Variants in CHSY3 observed in about 807,000 individuals in gnomAD.
CHSY3 encodes N-acetylgalactosaminyl-proteoglycan 3-beta-glucuronosyltransferase 3.
Under a neutral mutation model 67.2 loss-of-function variants are expected in CHSY3, and 35 were observed. That is an observed-to-expected ratio of 0.52 (90% CI 0.40 to 0.69). The LOEUF (loss-of-function observed/expected upper bound fraction) is 0.69. CHSY3 is among the 30% of genes least tolerant of loss of function. CHSY3 has a pLI of 0.00. For missense variants in CHSY3, 1,069 were observed against 1,138.5 expected (o/e 0.94, Z 0.88); for synonymous variants, 474 against 434.7 (o/e 1.09, Z -1.12).
Position 129,905,399 on chromosome 5 carries a change from C to T in CHSY3, c.570C>T (p.Ala190=), listed in dbSNP as rs746082778. The T allele has an allele frequency of 2.5e-6, 4 of 1,606,136 alleles. No individual in the cohort carries two copies. In the African/African-American group the frequency reaches 4.0e-5, roughly 16 times the overall value. ...AGTACCTGGGCAGCCGCGCGCTGGCCGCGCAGCGGACCTGGGCGCGTTTCA... is the reference window on the plus strand; with the variant it reads ...AGTACCTGGGCAGCCGCGCGCTGGCTGCGCAGCGGACCTGGGCGCGTTTCA... ...AQKYLGSRAL[A]AQRTWARFIP... is the part of the protein sequence containing the mutation. The change falls in exon 1 of 3, where the codon GCC becomes GCT. Residue 190 remains alanine, a synonymous_variant. Transcript: ENST00000305031.
At chr5:130,179,244 G>A (rs568738793) in intron 2 of CHSY3, among the ~76,000 whole-genome samples, 3 of 152,190 alleles carry the variant, frequency 2.0e-5, no homozygotes, top group African/African-American at 7.2e-5. Flanking sequence ...TCTGGCACAC[G>A]CAGTAAGACC....
chr5:130,139,878 T>G (rs2149718498), intron 2 of CHSY3, among the ~76,000 whole-genome samples: 1 of 152,326 alleles, frequency 6.6e-6, no homozygotes, highest in East Asian at 1.9e-4. Context: ...GTAGAACTAC[T>G]TCCTACTACA....
chr5:130,077,795 G>A (rs572435854), intron 2 of CHSY3, among the ~76,000 whole-genome samples: 1 of 151,232 alleles, frequency 6.6e-6, no homozygotes, highest in East Asian at 2.0e-4. Context: ...ACATATATAT[G>A]TGTGTATATA....
chr5:130,052,447 C>T (rs1336294795), intron 2 of CHSY3, among the ~76,000 whole-genome samples: 2 of 152,134 alleles, frequency 1.3e-5, no homozygotes, highest in South Asian at 2.1e-4. Flanking sequence ...TATTATTATC[C>T]ATAAAGATAT....
chr5:129,975,383 C>T (rs992233106), intron 2 of CHSY3, among the ~76,000 whole-genome samples: 4 of 151,988 alleles, frequency 2.6e-5, no homozygotes, highest in Admixed American at 6.6e-5. Flanking sequence ...AATGACTTAT[C>T]GTTGACTTTC....
intron 2 of CHSY3, among the ~76,000 whole-genome samples, chr5:130,173,291 T>A (rs925756725): frequency 2.6e-5 from 4 of 152,204 alleles, no homozygotes; most frequent in Non-Finnish European, 5.9e-5. Context: ...CATAATTTTT[T>A]AAATTTAACC....
intron 2 of CHSY3, among the ~76,000 whole-genome samples, chr5:130,000,159 A>G (rs887151588): frequency 6.6e-6 from 1 of 152,204 alleles, no homozygotes; most frequent in South Asian, 2.1e-4. Context: ...TATGGATAAC[A>G]TATGTTTTAT....
intron 2 of CHSY3, among the ~76,000 whole-genome samples, chr5:130,099,665 A>G (rs987975360): frequency 2.6e-5 from 4 of 152,224 alleles, no homozygotes; most frequent in Non-Finnish European, 4.4e-5. Context: ...GTGAGGAGCT[A>G]TCTACTCTTA....
chr5:130,065,760 T>TA (rs1765863926), intron 2 of CHSY3, among the ~76,000 whole-genome samples: 1 of 152,174 alleles, frequency 6.6e-6, no homozygotes, highest in African/African-American at 2.4e-5. Flanking sequence ...CTCCTAAATT[T>TA]ATTGTCTGAC....
intron 2 of CHSY3, among the ~76,000 whole-genome samples, chr5:129,908,665 TC>T (rs1760416692): frequency 6.6e-6 from 1 of 152,196 alleles, no homozygotes; most frequent in Non-Finnish European, 1.5e-5. Context: ...TGAATCTATT[TC>T]CCTTTTCTAA....
intron 2 of CHSY3, among the ~76,000 whole-genome samples, chr5:130,121,300 A>C (rs1481185779): frequency 1.3e-5 from 2 of 152,192 alleles, no homozygotes; most frequent in Non-Finnish European, 2.9e-5. Flanking sequence ...TGGATGGGTA[A>C]ATGGAAGCAT....
rs1347923514 is a variant in CHSY3, at chr5:130,143,768, G to GTGTA, written c.1087-40460_1087-40459insGTAT. ...TATATATATATATATGTGTGTGTGT[G>GTGTA]TATATATATATATGTGTATATATAT... On this transcript the variant is annotated intron_variant, in intron 2 of 2. Transcript: ENST00000305031. Among the ~76,000 whole-genome samples, 210 of 64,964 alleles carry GTGTA rather than the reference G, an allele frequency of 3.2e-3. 11 individuals are homozygous for GTGTA. Among genetic ancestry groups the GTGTA allele is most frequent in the African/African-American group, 0.011 (186 of 16,928 alleles). 42.6% of individuals were successfully genotyped at this position (64,964 alleles called of 152,430 possible). A position where few individuals can be genotyped will look rare whatever the true frequency, so the allele number is the denominator to read the frequency against.
chr5:129,905,596 G>A lies in CHSY3; in HGVS notation c.767G>A (p.Trp256Ter). Residue 256 changes from tryptophan (W) to a stop codon, truncating the protein, a stop_gained, in exon 1 of 3, where the codon TGG becomes TAG. Coordinates refer to ENST00000305031, the MANE Select transcript of CHSY3 (RefSeq NM_175856.5). LOFTEE classifies it high-confidence loss of function. ...MHDHYLDKYE[W>*]FMRADDDVYI... ...GACCACTACCTGGACAAGTATGAGT[G>A]GTTCATGCGCGCCGACGACGATGTC... The A allele has an allele frequency of 1.2e-6, 2 of 1,613,726 alleles. No individual in the cohort carries two copies. The highest frequency in any genetic ancestry group is 1.6e-4 in the Middle Eastern group (1 of 6,062).
intron 2 of CHSY3, among the ~76,000 whole-genome samples, chr5:129,923,467 G>A (rs244745): frequency 0.35 from 52,873 of 151,606 alleles, 9,375 homozygotes; most frequent in South Asian, 0.46. Flanking sequence ...AAGTGCTGGA[G>A]TTGTAGCAGT....
At chr5:130,091,144 G>GCA (rs142056276) in intron 2 of CHSY3, among the ~76,000 whole-genome samples, 44,386 of 136,764 alleles carry the variant, frequency 0.32, 6,587 homozygotes, top group South Asian at 0.41. Flanking sequence ...ACGCACACGC[G>GCA]CGCACACACA....
chr5:129,921,304 C>A, intron 2 of CHSY3, among the ~76,000 whole-genome samples: 1 of 152,136 alleles, frequency 6.6e-6, no homozygotes, highest in East Asian at 1.9e-4. Context: ...ACCTTGAGCA[C>A]AAGCACTATG....
At chr5:130,020,461 A>ATATATATATATATATTTT (rs1371121130) in intron 2 of CHSY3, among the ~76,000 whole-genome samples, 4 of 79,930 alleles carry the variant, frequency 5.0e-5, no homozygotes, top group Non-Finnish European at 6.7e-5. Context: ...ATATATATAT[A>ATATATATATATATATTTT]TTTTTTTTTT....
intron 2 of CHSY3, among the ~76,000 whole-genome samples, chr5:130,167,574 A>C (rs1028126671): frequency 5.8e-4 from 89 of 152,140 alleles, no homozygotes; most frequent in African/African-American, 2.1e-3. Flanking sequence ...TGTTAAGGCC[A>C]TCTTGGCCAC....
intron 2 of CHSY3, among the ~76,000 whole-genome samples, chr5:130,181,324 C>T (rs961342742): frequency 1.3e-5 from 2 of 152,068 alleles, no homozygotes; most frequent in African/African-American, 2.4e-5. Context: ...AGAACAATTT[C>T]GCTATGTTCA....
Sources: allele counts gnomAD v4.1 joint callset (sites outside exome capture counted in the v4.1 genomes callset), GRCh38; gene constraint gnomAD v4.1.1; transcripts MANE v1.5; gene names NCBI Gene and HGNC (gene_info 2026-07-23, HGNC 2026-07-21).